TENM3: variants seen among roughly 807,000 people sequenced by gnomAD.
TENM3 encodes the protein teneurin transmembrane protein 3.
TENM3 carries 63 observed loss-of-function variants against 255.1 expected under a neutral mutation model. That is an observed-to-expected ratio of 0.25 (90% CI 0.20 to 0.30). The LOEUF is 0.30. Ranked by LOEUF, TENM3 falls within the 10% of genes least tolerant of loss-of-function variation. The pLI is 1.00. For synonymous variants in TENM3, 1,306 were observed against 1,322.3 expected (o/e 0.99, Z 0.27); for missense variants, 2,929 against 3,461.1 (o/e 0.85, Z 3.86).
intron 5 of TENM3, chr4:182,631,606 C>T (rs1751380656): frequency 6.6e-6 from 1 of 152,196 alleles, no homozygotes; most frequent in Non-Finnish European, 1.5e-5. Context: ...AAAAGAAACA[C>T]TTGCCCGTCC....
At chr4:181,647,327 A>G in the TENM3 span, among the ~76,000 whole-genome samples, 1,032 of 152,334 alleles carry the variant, frequency 6.8e-3, 16 homozygotes, top group African/African-American at 0.023. Context: ...CAAATTATCT[A>G]TAAAGCTCCC....
chr4:181,533,238 A>G, the TENM3 span, among the ~76,000 whole-genome samples: 1 of 152,170 alleles, frequency 6.6e-6, no homozygotes, highest in African/African-American at 2.4e-5. Context: ...ATACTGGGTC[A>G]AAAAGAAGGG....
intron 3 of TENM3, among the ~76,000 whole-genome samples, chr4:182,396,961 C>G (rs1267406670): frequency 1.3e-5 from 2 of 149,328 alleles, no homozygotes; most frequent in Non-Finnish European, 3.0e-5. Flanking sequence ...GACTCTGTCT[C>G]AAAATAAAAA....
Position 182,228,411 on chromosome 4 carries a change from G to A in TENM3, c.-76+83657G>A, listed in dbSNP as rs1364334259. ...GTGTGTGTATATGTAATCCCTCCCA[G>A]CTCTAAAATTTGCAACTCCAAGGTT... On this transcript the variant is annotated intron_variant, in intron 1 of 2. Transcript: ENST00000512480. 6.0e-5 allele frequency among the ~76,000 whole-genome samples: 6 copies of A among 100,478 alleles called. No homozygotes were observed. The East Asian group carries it at 1.2e-3, about 21-fold the overall frequency. 65.9% of individuals were successfully genotyped at this position (100,478 alleles called of 152,430 possible). A position where few individuals can be genotyped will look rare whatever the true frequency, so the allele number is the denominator to read the frequency against.
chr4:182,287,101 G>T (rs999691731), intron 1 of TENM3, among the ~76,000 whole-genome samples: 8 of 152,200 alleles, frequency 5.3e-5, no homozygotes, highest in Non-Finnish European at 1.2e-4. Flanking sequence ...CGTGGTGCAT[G>T]ACTGTAGTTC....
chr4:181,540,448 T>A, the TENM3 span, among the ~76,000 whole-genome samples: 2 of 152,126 alleles, frequency 1.3e-5, no homozygotes, highest in African/African-American at 4.8e-5. Flanking sequence ...CTGTGAATAG[T>A]GACTTTCTTC....
chr4:181,475,311 G>T, the TENM3 span, among the ~76,000 whole-genome samples: 2 of 152,304 alleles, frequency 1.3e-5, no homozygotes, highest in Non-Finnish European at 1.5e-5. Flanking sequence ...TTCATCTGGT[G>T]CTCTTTCAGA....
At chr4:181,781,459 CATTG>C in the TENM3 span, among the ~76,000 whole-genome samples, 3 of 152,130 alleles carry the variant, frequency 2.0e-5, no homozygotes, top group African/African-American at 4.8e-5. Context: ...GATTTTGGCA[CATTG>C]ATTATGTATC....
At chr4:182,215,342 C>T (rs1021757900) in intron 1 of TENM3, among the ~76,000 whole-genome samples, 5 of 152,098 alleles carry the variant, frequency 3.3e-5, no homozygotes, top group African/African-American at 4.8e-5. Flanking sequence ...TGAATTGTGG[C>T]GAGCTCTATC....
At chr4:182,189,214 G>A (rs765132746) in intron 1 of TENM3, among the ~76,000 whole-genome samples, 19 of 151,816 alleles carry the variant, frequency 1.3e-4, no homozygotes, top group African/African-American at 4.1e-4. Context: ...GATTCTTGGT[G>A]GCCTTTCTTC....
At chr4:181,684,348 C>T in the TENM3 span, among the ~76,000 whole-genome samples, 1 of 152,202 alleles carries the variant, frequency 6.6e-6, no homozygotes, top group Non-Finnish European at 1.5e-5. Flanking sequence ...CCTCCTCTTT[C>T]TGCTGCCTTC....
chr4:181,626,860 G>A, the TENM3 span, among the ~76,000 whole-genome samples: 1 of 152,246 alleles, frequency 6.6e-6, no homozygotes, highest in African/African-American at 2.4e-5. Context: ...ATCGCTCTAA[G>A]TGTTGCGTGA....
At chr4:181,947,458 T>A in the TENM3 span, among the ~76,000 whole-genome samples, 2 of 152,202 alleles carry the variant, frequency 1.3e-5, no homozygotes, top group Admixed American at 1.3e-4. Flanking sequence ...ATTTCTACAA[T>A]CTGTCTCTAT....
At chr4:182,560,831 A>G (rs901955117) in intron 3 of TENM3, among the ~76,000 whole-genome samples, 2 of 152,046 alleles carry the variant, frequency 1.3e-5, no homozygotes, top group Non-Finnish European at 1.5e-5. Context: ...AATATAATGA[A>G]CAGTGGAGAA....
intron 3 of TENM3, among the ~76,000 whole-genome samples, chr4:182,479,628 G>A (rs1293448209): frequency 6.6e-6 from 1 of 151,984 alleles, no homozygotes; most frequent in Non-Finnish European, 1.5e-5. Flanking sequence ...TTTAGAAACT[G>A]AAGTAATAAT....
chr4:182,490,165 G>A (rs1271161318), intron 3 of TENM3, among the ~76,000 whole-genome samples: 1 of 152,148 alleles, frequency 6.6e-6, no homozygotes, highest in African/African-American at 2.4e-5. Flanking sequence ...ATTATAAATT[G>A]TTAATAGCGA....
At chr4:181,636,451 C>T in the TENM3 span, among the ~76,000 whole-genome samples, 1 of 152,140 alleles carries the variant, frequency 6.6e-6, no homozygotes, top group African/African-American at 2.4e-5. Flanking sequence ...TAGTCACATC[C>T]ACAAAATACC....
At chr4:181,519,300 C>T in the TENM3 span, among the ~76,000 whole-genome samples, 6 of 152,228 alleles carry the variant, frequency 3.9e-5, no homozygotes, top group Middle Eastern at 3.4e-3. Context: ...TTGGGAGCTG[C>T]GGGATGTAAC....
At chr4:181,483,428 C>G in the TENM3 span, among the ~76,000 whole-genome samples, 1 of 152,038 alleles carries the variant, frequency 6.6e-6, no homozygotes. Flanking sequence ...AAATCCGTAG[C>G]TTTAATAAAG....
Sources: gnomAD v4.1 joint callset for allele counts (sites outside exome capture counted in the v4.1 genomes callset) on GRCh38, gnomAD v4.1.1 for gene constraint, MANE v1.5 for transcripts, NCBI Gene and HGNC (gene_info 2026-07-23, HGNC 2026-07-21) for gene names.